TCF4: variants seen among roughly 807,000 people sequenced by gnomAD.
TCF4 encodes transcription factor 4.
In TCF4, 3 loss-of-function variants were observed where a neutral mutation model predicts 82.1. That is an observed-to-expected ratio of 0.04 (90% CI 0.02 to 0.09). TCF4 has a LOEUF of 0.09. Among genes scored for constraint, TCF4 ranks in the 10% least tolerant of loss-of-function variants. The pLI is 1.00. For synonymous variants in TCF4, 276 were observed against 309.6 expected (o/e 0.89, Z 1.14); for missense variants, 518 against 852.7 (o/e 0.61, Z 4.89).
chr18:55,280,419 T>C (rs1466721957), intron 8 of TCF4, among the ~76,000 whole-genome samples: 1 of 152,210 alleles, frequency 6.6e-6, no homozygotes, highest in Non-Finnish European at 1.5e-5. Flanking sequence ...TTTATACAAA[T>C]AGCCTGTGTA....
chr18:55,441,350 T>G (rs145575475), intron 5 of TCF4, among the ~76,000 whole-genome samples: 21 of 152,352 alleles, frequency 1.4e-4, no homozygotes, highest in Middle Eastern at 3.4e-3. Flanking sequence ...TTATGTAAGT[T>G]TCCATTTGTA....
At chr18:55,236,351 C>A (rs2049390031) in intron 15 of TCF4, among the ~76,000 whole-genome samples, 1 of 152,086 alleles carries the variant, frequency 6.6e-6, no homozygotes, top group Non-Finnish European at 1.5e-5. Flanking sequence ...CTGATATCTC[C>A]CAAAGAAGCC....
intron 2 of TCF4, among the ~76,000 whole-genome samples, chr18:55,623,703 C>T (rs2097723795): frequency 6.6e-6 from 1 of 151,910 alleles, no homozygotes; most frequent in African/African-American, 2.4e-5. Flanking sequence ...TCCTTGGATC[C>T]TTGGGCATAA....
intron 5 of TCF4, among the ~76,000 whole-genome samples, chr18:55,431,978 A>G (rs1334713161): frequency 6.6e-6 from 1 of 152,178 alleles, no homozygotes; most frequent in Non-Finnish European, 1.5e-5. Context: ...AGCACAGTGC[A>G]ATGGGAAATT....
chr18:55,511,013 G>C (rs991835522), intron 3 of TCF4, among the ~76,000 whole-genome samples: 1 of 152,016 alleles, frequency 6.6e-6, no homozygotes, highest in African/African-American at 2.4e-5. Flanking sequence ...TCCTTCAACC[G>C]TTCAACATGC....
At chr18:55,252,382 A>C (rs143581847) in intron 15 of TCF4, among the ~76,000 whole-genome samples, 1 of 149,976 alleles carries the variant, frequency 6.7e-6, no homozygotes, top group Admixed American at 6.7e-5. Context: ...GTGTGTGTGT[A>C]TATCAAGATC....
chr18:55,396,279 T>G (rs1370477970), intron 6 of TCF4, among the ~76,000 whole-genome samples: 1 of 152,240 alleles, frequency 6.6e-6, no homozygotes, highest in East Asian at 1.9e-4. Flanking sequence ...CTTGCTTTAC[T>G]TCTCTGAGCA....
At chr18:55,533,268 C>A (rs971999738) in intron 3 of TCF4, among the ~76,000 whole-genome samples, 1 of 152,178 alleles carries the variant, frequency 6.6e-6, no homozygotes, top group Non-Finnish European at 1.5e-5. Flanking sequence ...TTATTACAGG[C>A]AGGCTCAGGT....
At chr18:55,586,153 G>GAGCAGC (rs55725917) in intron 2 of TCF4, 13,934 of 706,764 alleles carry the variant, frequency 0.02, 1,205 homozygotes, top group East Asian at 0.072. Context: ...GGAGGAGGAG[G>GAGCAGC]AGCAGCAGCA....
intron 5 of TCF4, among the ~76,000 whole-genome samples, chr18:55,427,773 ACC>A (rs2095047048): frequency 6.6e-6 from 1 of 152,220 alleles, no homozygotes; most frequent in Admixed American, 6.5e-5. Flanking sequence ...CTAAAATAGT[ACC>A]TGCTATTTGT....
intron 3 of TCF4, among the ~76,000 whole-genome samples, chr18:55,535,404 A>C (rs1375009893): frequency 2.0e-5 from 3 of 152,212 alleles, no homozygotes; most frequent in Non-Finnish European, 4.4e-5. Context: ...TTTTTGTTTT[A>C]CTTAAGTATA....
intron 3 of TCF4, among the ~76,000 whole-genome samples, chr18:55,572,792 G>C (rs1393808718): frequency 6.6e-6 from 1 of 152,102 alleles, no homozygotes. Context: ...GGTGGCTCAC[G>C]CCTGTAATCC....
chr18:55,439,095 T>C (rs72928910), intron 5 of TCF4, among the ~76,000 whole-genome samples: 4,803 of 151,714 alleles, frequency 0.032, 97 homozygotes, highest in Non-Finnish European at 0.048. Flanking sequence ...GGTGGGAAAA[T>C]GAAGAAAGGA....
intron 8 of TCF4, among the ~76,000 whole-genome samples, chr18:55,287,095 A>G (rs1236504849): frequency 6.6e-6 from 1 of 152,222 alleles, no homozygotes; most frequent in Non-Finnish European, 1.5e-5. Context: ...AGAGTATTTC[A>G]CAACTATCAA....
At chr18:55,530,799 T>A (rs1227374209) in intron 3 of TCF4, among the ~76,000 whole-genome samples, 1 of 152,126 alleles carries the variant, frequency 6.6e-6, no homozygotes, top group Non-Finnish European at 1.5e-5. Context: ...TTATAACTAA[T>A]AAAAACTACA....
At chr18:55,591,440 T>G (rs1418720565), upstream of TCF4, among the ~76,000 whole-genome samples, 1 of 152,208 alleles carries the variant, frequency 6.6e-6, no homozygotes, top group Non-Finnish European at 1.5e-5. Flanking sequence ...GAGGTTAGAT[T>G]AGATAATCCA....
chr18:55,542,899 T>TA (rs1239170081), intron 3 of TCF4, among the ~76,000 whole-genome samples: 1 of 152,044 alleles, frequency 6.6e-6, no homozygotes, highest in Non-Finnish European at 1.5e-5. Flanking sequence ...ACTCTTAACT[T>TA]AGAATCAGTT....
chr18:55,314,855 A>C (rs774908357), intron 8 of TCF4, among the ~76,000 whole-genome samples: 1 of 152,128 alleles, frequency 6.6e-6, no homozygotes, highest in Non-Finnish European at 1.5e-5. Context: ...TTCCCAACAT[A>C]GCAATTCCCA....
chr18:55,399,880 T>TCTCACA (rs1283846701), intron 6 of TCF4, among the ~76,000 whole-genome samples: 6 of 63,436 alleles, frequency 9.5e-5, no homozygotes, highest in Admixed American at 2.1e-4. Context: ...TCTCTCTCTC[T>TCTCACA]CACACACACA....
Sources: allele counts gnomAD v4.1 joint callset (sites outside exome capture counted in the v4.1 genomes callset), GRCh38; gene constraint gnomAD v4.1.1; transcripts MANE v1.5; gene names NCBI Gene and HGNC (gene_info 2026-07-23, HGNC 2026-07-21).